SAXO1: variants seen among roughly 807,000 people sequenced by gnomAD.
SAXO1 encodes 4930500O09Rik.
Under a neutral mutation model 17.5 loss-of-function variants are expected in SAXO1, and 21 were observed. The ratio of observed to expected loss-of-function variants is 1.20; its 90% CI spans 0.85 to 1.72. The LOEUF is 1.72. SAXO1 is among the 40% of genes most tolerant of loss of function. The pLI is 0.00. For missense variants in SAXO1, 843 were observed against 596.0 expected, an observed-to-expected ratio of 1.41 and a Z score of -4.32; for synonymous variants, 274 against 216.5, an observed-to-expected ratio of 1.27 and a Z score of -2.33.
At chr9:18,965,229 T>C (rs963304486) in intron 1 of SAXO1, among the ~76,000 whole-genome samples, 6 of 152,220 alleles carry the variant, frequency 3.9e-5, no homozygotes, top group Admixed American at 6.5e-5. Flanking sequence ...GAATGTATAT[T>C]CTGTTGATTT....
At chr9:18,965,561 A>C (rs183890004) in intron 1 of SAXO1, among the ~76,000 whole-genome samples, 2 of 149,778 alleles carry the variant, frequency 1.3e-5, no homozygotes, top group Admixed American at 6.6e-5. Context: ...AAAGACTAGG[A>C]TTGCAACCCC....
intron 1 of SAXO1, among the ~76,000 whole-genome samples, chr9:19,006,196 G>C (rs536854033): frequency 1.3e-5 from 2 of 152,330 alleles, no homozygotes; most frequent in South Asian, 4.1e-4. Flanking sequence ...CGTAGTCTCT[G>C]TGCAAAACAG....
chr9:19,041,473 A>T (rs1382903866), intron 1 of SAXO1, among the ~76,000 whole-genome samples: 3 of 152,356 alleles, frequency 2.0e-5, no homozygotes, highest in African/African-American at 7.2e-5. Flanking sequence ...ACCACAAAAG[A>T]TTGAGAATAG....
chr9:18,978,632 T>A (rs1455900658), intron 1 of SAXO1, among the ~76,000 whole-genome samples: 1 of 152,242 alleles, frequency 6.6e-6, no homozygotes, highest in Non-Finnish European at 1.5e-5. Flanking sequence ...CCCTGAATAA[T>A]GGCTGTGAAA....
In SAXO1 at chr9:19,003,260, A is replaced by C. The variant is rs541838744; in HGVS notation, c.38+29611T>G. On this transcript the variant is annotated intron_variant, in intron 1 of 3. Transcript: ENST00000380534. ...AATAAAAGAGGACACAAACAAACGGAAGAATATTCCATGCGCATGGATAGG... is the reference window on the plus strand; with the variant it reads ...AATAAAAGAGGACACAAACAAACGGCAGAATATTCCATGCGCATGGATAGG... Among the ~76,000 whole-genome samples, 13 of 152,334 alleles carry C rather than the reference A, an allele frequency of 8.5e-5. No individual in the cohort carries two copies. In the East Asian group the frequency reaches 1.5e-3, roughly 18 times the overall value.
chr9:19,001,474 T>C (rs564948545), intron 1 of SAXO1, among the ~76,000 whole-genome samples: 4 of 152,124 alleles, frequency 2.6e-5, no homozygotes, highest in Non-Finnish European at 5.9e-5. Flanking sequence ...GAGACCATCC[T>C]GGCTACCACA....
intron 1 of SAXO1, among the ~76,000 whole-genome samples, chr9:19,006,821 G>A (rs921727335): frequency 3.3e-5 from 5 of 151,998 alleles, no homozygotes; most frequent in South Asian, 2.1e-4. Flanking sequence ...TGAGGCAGGA[G>A]TATCACTTGA....
At chr9:19,001,618 G>C (rs1357775447) in intron 1 of SAXO1, among the ~76,000 whole-genome samples, 1 of 149,544 alleles carries the variant, frequency 6.7e-6, no homozygotes, top group Middle Eastern at 3.5e-3. Flanking sequence ...ACTGAGCCGA[G>C]ATCGCGCATT....
At chr9:19,044,679 G>C (rs879684582) in intron 1 of SAXO1, among the ~76,000 whole-genome samples, 5 of 151,960 alleles carry the variant, frequency 3.3e-5, no homozygotes, top group Non-Finnish European at 7.4e-5. Flanking sequence ...TGGCTAACAC[G>C]GTGAAACCCC....
chr9:18,969,341 CTT>C (rs1263052033), intron 1 of SAXO1, among the ~76,000 whole-genome samples: 2 of 152,214 alleles, frequency 1.3e-5, no homozygotes, highest in Non-Finnish European at 2.9e-5. Flanking sequence ...AGCAAGCTCT[CTT>C]GACTGGAGTT....
At chr9:19,002,624 C>T (rs1242525852) in intron 1 of SAXO1, among the ~76,000 whole-genome samples, 1 of 152,190 alleles carries the variant, frequency 6.6e-6, no homozygotes, top group African/African-American at 2.4e-5. Context: ...ATCACATGAA[C>T]AGAACCAAAG....
intron 1 of SAXO1, among the ~76,000 whole-genome samples, chr9:19,000,459 C>A (rs1219734823): frequency 1.3e-5 from 2 of 152,066 alleles, no homozygotes; most frequent in East Asian, 3.9e-4. Flanking sequence ...GCCCCACCGT[C>A]TGGGATGTGA....
At chr9:19,014,760 C>G (rs1456958348) in intron 1 of SAXO1, among the ~76,000 whole-genome samples, 1 of 152,130 alleles carries the variant, frequency 6.6e-6, no homozygotes, top group African/African-American at 2.4e-5. Context: ...GTTGTCTCCT[C>G]CGTTCCTGGG....
In SAXO1 at chr9:18,928,437, C is replaced by T. The variant is rs752107148; in HGVS notation, c.1040G>A (p.Trp347Ter). ...SSTTKDDYKQ[W>*]SSMRTEPVKP... Reference sequence around the variant, plus strand: ...GACTGGCTCTGTGCGCATGCTGGACCACTGCTTGTAGTCATCCTTGGTGGT... The same window carrying T: ...GACTGGCTCTGTGCGCATGCTGGACTACTGCTTGTAGTCATCCTTGGTGGT... Residue 347 changes from tryptophan (W) to a stop codon, truncating the protein, a stop_gained, in exon 4 of 4, where the codon TGG becomes TAG. Transcript: ENST00000380534. LOFTEE classifies it low-confidence loss of function (END_TRUNC). 8 of 1,608,136 alleles carry T rather than the reference C, an allele frequency of 5.0e-6. No individual in the cohort carries two copies. The Admixed American group carries it at 1.0e-4, about 20-fold the overall frequency.
chr9:19,040,092 A>G (rs1836041917), intron 1 of SAXO1, among the ~76,000 whole-genome samples: 2 of 152,176 alleles, frequency 1.3e-5, no homozygotes, highest in Non-Finnish European at 2.9e-5. Context: ...TGCACTGTGA[A>G]TCTTTTATTT....
intron 1 of SAXO1, among the ~76,000 whole-genome samples, chr9:19,022,252 G>A (rs1835270646): frequency 6.6e-6 from 1 of 152,214 alleles, no homozygotes; most frequent in South Asian, 2.1e-4. Context: ...CCCACTGGAA[G>A]GAAGAAACTC....
chr9:18,959,943 A>T (rs556048261), intron 1 of SAXO1, among the ~76,000 whole-genome samples: 1 of 152,284 alleles, frequency 6.6e-6, no homozygotes, highest in Admixed American at 6.5e-5. Context: ...TGCAAGGCTA[A>T]GGACAGGTGA....
At chr9:19,030,362 A>T (rs1329544226) in intron 1 of SAXO1, among the ~76,000 whole-genome samples, 1 of 152,180 alleles carries the variant, frequency 6.6e-6, no homozygotes, top group Non-Finnish European at 1.5e-5. Flanking sequence ...AATAAAAGGG[A>T]AGGGACCAAT....
Position 19,027,615 on chromosome 9 carries a change from C to G in SAXO1, c.38+5256G>C, listed in dbSNP as rs956535281. The G allele has an allele frequency of 6.3e-6, 9 of 1,435,556 alleles. No individual in the cohort carries two copies. The African/African-American group carries it at 1.3e-4, about 20-fold the overall frequency. The allele number at this position is 1,435,556 out of a possible 1,614,324, so 88.9% of individuals were successfully genotyped here. On this transcript the variant is annotated intron_variant, in intron 1 of 3. Transcript: ENST00000380534. ...GGCCCCCAGCTGGTGCAGATGTTCA[C>G]TGGAGATGGTGCCAAGCTAGTCCGG...
Sources: allele counts gnomAD v4.1 joint callset (sites outside exome capture counted in the v4.1 genomes callset), GRCh38; gene constraint gnomAD v4.1.1; transcripts MANE v1.5; gene names NCBI Gene and HGNC (gene_info 2026-07-23, HGNC 2026-07-21).